DNAI7: variants seen among roughly 807,000 people sequenced by gnomAD.
The protein encoded by DNAI7 is cancer susceptibility 1.
Under a neutral mutation model 86.6 loss-of-function variants are expected in DNAI7, and 78 were observed. That is an observed-to-expected ratio of 0.90 (90% CI 0.75 to 1.09). The LOEUF is 1.09. Among genes scored for constraint, DNAI7 ranks in the 50% least tolerant of loss-of-function variants. The probability of loss-of-function intolerance (pLI) is 0.00; values close to 1 mark genes in which losing one functional copy is unlikely to be tolerated. For missense variants in DNAI7, 753 were observed against 810.2 expected, an observed-to-expected ratio of 0.93 and a Z score of 0.86; for synonymous variants, 274 against 273.0, an observed-to-expected ratio of 1.00 and a Z score of -0.04.
At chr12:25,120,588 T>TGGTAGCGGGCGC (rs1483468085) in intron 11 of DNAI7, among the ~76,000 whole-genome samples, 4 of 150,862 alleles carry the variant, frequency 2.7e-5, no homozygotes, top group Non-Finnish European at 4.4e-5. Flanking sequence ...TAGCCGGGCG[T>TGGTAGCGGGCGC]GGTAGCGGGC....
intron 2 of DNAI7, among the ~76,000 whole-genome samples, chr12:25,182,848 C>T (rs1481766405): frequency 6.6e-6 from 1 of 151,874 alleles, no homozygotes; most frequent in Non-Finnish European, 1.5e-5. Flanking sequence ...CGCTTGAGCT[C>T]AGGAAGTCAA....
At chr12:25,127,192 G>C (rs1315485647) in intron 9 of DNAI7, among the ~76,000 whole-genome samples, 1 of 152,142 alleles carries the variant, frequency 6.6e-6, no homozygotes, top group Non-Finnish European at 1.5e-5. Context: ...TCTAGAATGG[G>C]TTCCTGTAAT....
At chr12:25,164,454 AACCTAAAACCTCTTCAACTCACACCTG>A (rs1227825455) in intron 2 of DNAI7, among the ~76,000 whole-genome samples, 2 of 151,924 alleles carry the variant, frequency 1.3e-5, no homozygotes, top group Non-Finnish European at 2.9e-5. Flanking sequence ...TGTTCTTAAA[AACCTAAAACCTCTTCAACTCACACCTG>A]ACCTAAAACC....
rs546449077 is a variant in DNAI7, at chr12:25,184,932, C to A, written c.21+5682G>T. 2.0e-5 allele frequency among the ~76,000 whole-genome samples: 3 copies of A among 149,666 alleles called. No individual in the cohort carries two copies. The Admixed American group carries it at 2.0e-4, about 10-fold the overall frequency. On this transcript the variant is annotated intron_variant, in intron 2 of 15. Transcript: ENST00000395987. ...ATTGCTTGAGCCCAGGAGTTTGAGA[C>A]CACCCTGGACAACACAGTGGGATCC...
At chr12:25,162,075 G>A (rs1022897812) in intron 2 of DNAI7, among the ~76,000 whole-genome samples, 1 of 152,072 alleles carries the variant, frequency 6.6e-6, no homozygotes, top group Admixed American at 6.5e-5. Flanking sequence ...ATCTAAATTT[G>A]TGGCCAAAGG....
At chr12:25,175,390 A>G (rs1948846979) in intron 2 of DNAI7, among the ~76,000 whole-genome samples, 1 of 151,812 alleles carries the variant, frequency 6.6e-6, no homozygotes, top group Non-Finnish European at 1.5e-5. Context: ...TTTTTTTGAG[A>G]CGGACTCTCG....
Position 25,108,371 on chromosome 12 carries a change from TTCAAAGGAAAAAAAAATAC to T in DNAI7, c.*158_*176del. On this transcript the variant is annotated 3_prime_UTR_variant, in exon 16 of 16. Coordinates refer to ENST00000395987, the MANE Select transcript of DNAI7 (RefSeq NM_018272.5). ...GCTGAAATTCTTAACAGGCCAAGTA[TTCAAAGGAAAAAAAAATAC>T]TGTTTTTAAAATAAAACTTGAGTAG... 1.7e-6 allele frequency: 1 copy of T among 605,536 alleles called. No homozygotes were observed. The highest frequency in any genetic ancestry group is 3.0e-5 in the South Asian group (1 of 33,398). The allele number at this position is 605,536 out of a possible 1,614,324, so 37.5% of individuals were successfully genotyped here. A position where few individuals can be genotyped will look rare whatever the true frequency, so the allele number is the denominator to read the frequency against.
chr12:25,163,278 G>GGCC (rs1947040277), intron 2 of DNAI7, among the ~76,000 whole-genome samples: 1 of 152,030 alleles, frequency 6.6e-6, no homozygotes, highest in African/African-American at 2.4e-5. Flanking sequence ...ACATCTAGAT[G>GGCC]GCCGGTTCCT....
chr12:25,115,728 G>A (rs957353341), intron 12 of DNAI7, among the ~76,000 whole-genome samples: 3 of 152,152 alleles, frequency 2.0e-5, no homozygotes, highest in African/African-American at 7.2e-5. Context: ...CATGTAAAAT[G>A]GTACGGCTAC....
intron 2 of DNAI7, among the ~76,000 whole-genome samples, chr12:25,179,164 C>T (rs1353998710): frequency 6.6e-6 from 1 of 151,962 alleles, no homozygotes; most frequent in Non-Finnish European, 1.5e-5. Flanking sequence ...TTTAAAAATT[C>T]CAAGCATATT....
chr12:25,188,465 C>T (rs1950228552), intron 2 of DNAI7, among the ~76,000 whole-genome samples: 1 of 151,982 alleles, frequency 6.6e-6, no homozygotes, highest in African/African-American at 2.4e-5. Flanking sequence ...TTTAAAAAAC[C>T]AGAAAGTATA....
chr12:25,145,008 T>A (rs1289819020), intron 8 of DNAI7, among the ~76,000 whole-genome samples: 2 of 152,112 alleles, frequency 1.3e-5, no homozygotes, highest in South Asian at 2.1e-4. Context: ...CAACATACAC[T>A]CTCTGGATAT....
chr12:25,176,352 T>C (rs1475194182), intron 2 of DNAI7, among the ~76,000 whole-genome samples: 3 of 152,182 alleles, frequency 2.0e-5, no homozygotes, highest in African/African-American at 7.2e-5. Context: ...CTGTTCTAGA[T>C]TGAGTTAATC....
At chr12:25,152,003 T>C (rs1183305247) in intron 6 of DNAI7, among the ~76,000 whole-genome samples, 1 of 152,166 alleles carries the variant, frequency 6.6e-6, no homozygotes, top group Non-Finnish European at 1.5e-5. Context: ...ATAATAGGAA[T>C]AAGAGTAGTG....
At chr12:25,171,784 G>T (rs550772758) in intron 2 of DNAI7, among the ~76,000 whole-genome samples, 3 of 152,030 alleles carry the variant, frequency 2.0e-5, no homozygotes, top group Non-Finnish European at 2.9e-5. Flanking sequence ...TGACCAGCTG[G>T]GTTTCATACC....
At chr12:25,129,505 T>C (rs193210542) in intron 9 of DNAI7, among the ~76,000 whole-genome samples, 29 of 152,328 alleles carry the variant, frequency 1.9e-4, no homozygotes, top group African/African-American at 6.3e-4. Flanking sequence ...GGTTGTTGAA[T>C]GTTAAGGAGC....
At chr12:25,117,555 G>C (rs748586902) in intron 12 of DNAI7, among the ~76,000 whole-genome samples, 5 of 151,830 alleles carry the variant, frequency 3.3e-5, no homozygotes, top group Non-Finnish European at 7.4e-5. Context: ...CCTTAAAATG[G>C]CATACATTAA....
chr12:25,111,711 T>C, intron 14 of DNAI7, 61 bp downstream of exon 14: 1 of 1,037,132 alleles, frequency 9.6e-7, no homozygotes, highest in African/African-American at 1.6e-5. Context: ...TTATATAACA[T>C]TTAATAATTG....
chr12:25,186,858 A>T (rs770509214), intron 2 of DNAI7, among the ~76,000 whole-genome samples: 15 of 152,154 alleles, frequency 9.9e-5, no homozygotes, highest in Non-Finnish European at 1.9e-4. Flanking sequence ...ATTGATTTCC[A>T]TAAGACTGTG....
Sources: allele counts gnomAD v4.1 joint callset (sites outside exome capture counted in the v4.1 genomes callset), GRCh38; gene constraint gnomAD v4.1.1; transcripts MANE v1.5; gene names NCBI Gene and HGNC (gene_info 2026-07-23, HGNC 2026-07-21).